Variants in RAB3C observed in about 807,000 individuals in gnomAD.
RAB3C encodes ras-related protein Rab-3C.
In RAB3C, 17 loss-of-function variants were observed where a neutral mutation model predicts 26.4. The observed-to-expected ratio is 0.64, with a 90% CI of 0.44 to 0.97. The LOEUF (loss-of-function observed/expected upper bound fraction) is 0.97, where lower values mean the gene tolerates loss of function less well. Ranked by LOEUF, RAB3C falls within the 50% of genes least tolerant of loss-of-function variation. The pLI is 0.00. For synonymous variants in RAB3C, 91 were observed against 95.9 expected (o/e 0.95, Z 0.30); for missense variants, 242 against 281.9 (o/e 0.86, Z 1.01).
At position 58,672,705 on chromosome 5, in the gene RAB3C, A is replaced by C. The variant is rs148262243; in HGVS notation, c.253-53297A>C. On this transcript the variant is annotated intron_variant, in intron 2 of 4. Transcript: ENST00000282878. Reference sequence around the variant, plus strand: ...TGATAATGTGATATACATAAGCCTTATGAAATGATTATTCAGCAATAAAAA... The same window carrying C: ...TGATAATGTGATATACATAAGCCTTCTGAAATGATTATTCAGCAATAAAAA... 1.1e-3 allele frequency among the ~76,000 whole-genome samples: 164 copies of C among 152,340 alleles called. 1 individual carries two copies. Among genetic ancestry groups the C allele is most frequent in the African/African-American group, 3.7e-3 (152 of 41,586 alleles).
At chr5:58,657,412 C>T (rs752679487) in intron 2 of RAB3C, among the ~76,000 whole-genome samples, 18 of 151,388 alleles carry the variant, frequency 1.2e-4, no homozygotes, top group Admixed American at 2.6e-4. Flanking sequence ...AAAGAGTATT[C>T]GGGGAAGGAC....
At chr5:58,665,219 CA>C (rs199649001) in intron 2 of RAB3C, among the ~76,000 whole-genome samples, 11 of 151,784 alleles carry the variant, frequency 7.2e-5, no homozygotes, top group East Asian at 3.9e-4. Context: ...ATTTAATGCA[CA>C]AAAAAAATCA....
At chr5:58,657,377 A>G (rs1335945153) in intron 2 of RAB3C, among the ~76,000 whole-genome samples, 1 of 147,738 alleles carries the variant, frequency 6.8e-6, no homozygotes, top group Non-Finnish European at 1.5e-5. Context: ...CTATACTCCA[A>G]TAATTTATAG....
chr5:58,587,797 G>T (rs1746042995), intron 1 of RAB3C, among the ~76,000 whole-genome samples: 1 of 152,146 alleles, frequency 6.6e-6, no homozygotes, highest in Non-Finnish European at 1.5e-5. Flanking sequence ...ACCAATCACG[G>T]GTTAGCTGTG....
chr5:58,813,789 A>C (rs80332895), intron 3 of RAB3C, among the ~76,000 whole-genome samples: 2,295 of 152,234 alleles, frequency 0.015, 30 homozygotes, highest in Non-Finnish European at 0.024. Flanking sequence ...ATGCACACAT[A>C]CAGGCAATCA....
At chr5:58,802,103 T>C (rs1456902273) in intron 3 of RAB3C, among the ~76,000 whole-genome samples, 2 of 98,606 alleles carry the variant, frequency 2.0e-5, no homozygotes, top group African/African-American at 8.8e-5. Context: ...ATTATATACA[T>C]TTAGAAGTTT....
At chr5:58,638,721 C>G (rs980783698) in intron 2 of RAB3C, among the ~76,000 whole-genome samples, 1 of 152,188 alleles carries the variant, frequency 6.6e-6, no homozygotes, top group African/African-American at 2.4e-5. Context: ...ACCTCGGGCA[C>G]TGAACGTATG....
At chr5:58,601,012 A>T (rs977112842) in intron 1 of RAB3C, among the ~76,000 whole-genome samples, 3 of 152,154 alleles carry the variant, frequency 2.0e-5, no homozygotes, top group African/African-American at 7.2e-5. Context: ...ACATTGAGGG[A>T]TGTCCCTTGT....
chr5:58,656,552 A>G (rs1265798823), intron 2 of RAB3C, among the ~76,000 whole-genome samples: 3 of 152,244 alleles, frequency 2.0e-5, no homozygotes, highest in African/African-American at 4.8e-5. Context: ...GCTAAAGTCA[A>G]TAAGTCACAA....
intron 2 of RAB3C, among the ~76,000 whole-genome samples, chr5:58,703,580 C>T (rs143457896): frequency 7.4e-4 from 113 of 152,182 alleles, no homozygotes; most frequent in African/African-American, 2.5e-3. Context: ...TTACCAGGGA[C>T]GAAACCAGAA....
At chr5:58,721,745 T>A (rs189847704) in intron 2 of RAB3C, among the ~76,000 whole-genome samples, 1 of 151,972 alleles carries the variant, frequency 6.6e-6, no homozygotes, top group East Asian at 1.9e-4. Context: ...TTTTATTCTT[T>A]ATATTTGGAG....
At chr5:58,693,336 G>GTATGTATGTATATA (rs1341115094) in intron 2 of RAB3C, among the ~76,000 whole-genome samples, 1 of 111,774 alleles carries the variant, frequency 8.9e-6, no homozygotes, top group Non-Finnish European at 1.8e-5. Context: ...ATATATATGT[G>GTATGTATGTATATA]TATATATATA....
chr5:58,738,686 T>C (rs1005213819), intron 3 of RAB3C, among the ~76,000 whole-genome samples: 4 of 152,156 alleles, frequency 2.6e-5, no homozygotes, highest in Admixed American at 1.3e-4. Flanking sequence ...TATAGGGAAT[T>C]TGAAGATTAA....
At chr5:58,794,504 C>A (rs957934884) in intron 3 of RAB3C, 16 of 151,370 alleles carry the variant, frequency 1.1e-4, no homozygotes, top group African/African-American at 3.9e-4. Context: ...ATTGTCTAAC[C>A]AGTTATGCTT....
intron 3 of RAB3C, among the ~76,000 whole-genome samples, chr5:58,770,820 T>A (rs1323417733): frequency 6.6e-6 from 1 of 152,088 alleles, no homozygotes; most frequent in Non-Finnish European, 1.5e-5. Flanking sequence ...CTTATTTACA[T>A]AAAATTCACA....
chr5:58,696,849 T>C (rs1748711222), intron 2 of RAB3C, among the ~76,000 whole-genome samples: 1 of 152,194 alleles, frequency 6.6e-6, no homozygotes, highest in Non-Finnish European at 1.5e-5. Context: ...TCTACCAATT[T>C]TGTTGATCTT....
At chr5:58,671,611 T>G (rs1720110562) in intron 2 of RAB3C, among the ~76,000 whole-genome samples, 1 of 152,214 alleles carries the variant, frequency 6.6e-6, no homozygotes, top group African/African-American at 2.4e-5. Flanking sequence ...TGCTTTTAAC[T>G]AAGTCCTTCC....
At chr5:58,776,108 C>T (rs1387128806) in intron 3 of RAB3C, among the ~76,000 whole-genome samples, 2 of 152,090 alleles carry the variant, frequency 1.3e-5, no homozygotes, top group Admixed American at 6.6e-5. Context: ...CAGGAACTCA[C>T]TCTCTCAGCC....
chr5:58,667,899 T>C (rs1007082496), intron 2 of RAB3C, among the ~76,000 whole-genome samples: 4 of 152,172 alleles, frequency 2.6e-5, no homozygotes, highest in African/African-American at 4.8e-5. Flanking sequence ...GGTGATTATA[T>C]TCTATGCCTC....
Sources: allele counts gnomAD v4.1 joint callset (sites outside exome capture counted in the v4.1 genomes callset), GRCh38; gene constraint gnomAD v4.1.1; transcripts MANE v1.5; gene names NCBI Gene and HGNC (gene_info 2026-07-23, HGNC 2026-07-21).